HOMER1: variants seen among roughly 807,000 people sequenced by gnomAD.
The protein encoded by HOMER1 is homer scaffold protein 1.
A neutral mutation model predicts 48.9 loss-of-function variants in HOMER1; 3 were observed. That is an observed-to-expected ratio of 0.06 (90% CI 0.03 to 0.16). The LOEUF (loss-of-function observed/expected upper bound fraction) is 0.16, where lower values mean the gene tolerates loss of function less well. Ranked by LOEUF, HOMER1 falls within the 10% of genes least tolerant of loss-of-function variation. The pLI, the probability that HOMER1 is intolerant of heterozygous loss-of-function variation, is 1.00. For missense variants in HOMER1, 247 were observed against 411.4 expected (o/e 0.60, Z 3.46); for synonymous variants, 134 against 146.4 (o/e 0.92, Z 0.61).
At position 79,510,192 on chromosome 5, in the gene HOMER1, CA is replaced by C. The variant is rs778603970; in HGVS notation, c.5+2577del. 7.7e-3 allele frequency among the ~76,000 whole-genome samples: 1,078 copies of C among 139,306 alleles called. 9 individuals carry two copies. Among genetic ancestry groups the C allele is most frequent in the African/African-American group, 0.021 (807 of 38,182 alleles). The allele number at this position is 139,306 out of a possible 152,430, so 91.4% of individuals were successfully genotyped here. A position where few individuals can be genotyped will look rare whatever the true frequency, so the allele number is the denominator to read the frequency against. On this transcript the variant is annotated intron_variant, in intron 1 of 8. Coordinates refer to ENST00000334082, the MANE Select transcript of HOMER1 (RefSeq NM_004272.5). ...GTCATAGCCCCAAATACAGGCTTTC[CA>C]AAAAAAAAAAAATAGCACCACAAAA...
intron 5 of HOMER1, among the ~76,000 whole-genome samples, chr5:79,409,904 T>C (rs1207493480): frequency 6.6e-6 from 1 of 152,152 alleles, no homozygotes; most frequent in Non-Finnish European, 1.5e-5. Context: ...AGTGGAACCC[T>C]AGTACGCTGT....
intron 4 of HOMER1, among the ~76,000 whole-genome samples, chr5:79,440,688 A>G (rs1235078539): frequency 6.6e-6 from 1 of 152,206 alleles, no homozygotes; most frequent in Non-Finnish European, 1.5e-5. Context: ...GACCATATTA[A>G]TTAGTCAGAA....
chr5:79,383,455 A>G (rs1749030842), intron 8 of HOMER1, among the ~76,000 whole-genome samples: 1 of 149,666 alleles, frequency 6.7e-6, no homozygotes, highest in African/African-American at 2.5e-5. Flanking sequence ...GTGCGATCTC[A>G]GCTCACTGCA....
In HOMER1 at chr5:79,400,777, C is replaced by T. The variant is rs145166976; in HGVS notation, c.684+1122G>A. 7.4e-3 allele frequency among the ~76,000 whole-genome samples: 1,055 copies of T among 142,728 alleles called. 9 individuals are homozygous for T. Among genetic ancestry groups the T allele is most frequent in the African/African-American group, 0.024 (942 of 38,650 alleles). 93.6% of individuals were successfully genotyped at this position (142,728 alleles called of 152,430 possible). A position where few individuals can be genotyped will look rare whatever the true frequency, so the allele number is the denominator to read the frequency against. The stretch of plus-strand genomic sequence containing the variant: ...TTTGTTTTTTAGAGACAGAGTCTTG[C>T]TCTGTCACCCAAGCTAGAGTGCAGT... On this transcript the variant is annotated intron_variant, in intron 6 of 8. Coordinates refer to ENST00000334082, the MANE Select transcript of HOMER1 (RefSeq NM_004272.5).
At position 79,401,901 on chromosome 5, in the gene HOMER1, G is replaced by A; in HGVS notation, c.682C>T (p.Arg228Trp). The A allele has an allele frequency of 6.2e-7, 1 of 1,613,576 alleles. No individual in the cohort carries two copies. The highest frequency in any genetic ancestry group is 8.5e-7 in the Non-Finnish European group (1 of 1,179,726). Reference sequence around the variant, plus strand: ...ATAGACATCAGCCCTGAAATTACCCGCTTGTGCAGACGTTCTGCTTCCTCT... The same window carrying A: ...ATAGACATCAGCCCTGAAATTACCCACTTGTGCAGACGTTCTGCTTCCTCT... ...YQEEAERLHK[R>W]VTELECVSSQ... The change falls in exon 6 of 9, where the codon CGG becomes TGG. Residue 228 changes from arginine to tryptophan, a missense_variant and splice_region_variant. Coordinates refer to ENST00000334082, the MANE Select transcript of HOMER1 (RefSeq NM_004272.5).
rs1194253828 is a variant in HOMER1 at position 79,374,734 on chromosome 5, A to AAT, written c.*1273_*1274dup. 2 of 152,118 alleles carry AAT rather than the reference A, an allele frequency of 1.3e-5. No homozygotes were observed. The highest frequency in any genetic ancestry group is 1.3e-4 in the Admixed American group (2 of 15,276). 9.4% of individuals were successfully genotyped at this position (152,118 alleles called of 1,614,324 possible). A position where few individuals can be genotyped will look rare whatever the true frequency, so the allele number is the denominator to read the frequency against. ...ACTTTTAAAATAGCTTCGTAAAAGA[A>AAT]ATATATCATATAAAGAAATGCATGT... On this transcript the variant is annotated 3_prime_UTR_variant, in exon 9 of 9. Transcript: ENST00000334082.
chr5:79,443,278 TACTC>T (rs1309612755), intron 4 of HOMER1, among the ~76,000 whole-genome samples: 30 of 152,280 alleles, frequency 2.0e-4, no homozygotes, highest in Non-Finnish European at 7.4e-5. Flanking sequence ...ATTAAAATAA[TACTC>T]ACAACTGAAT....
intron 1 of HOMER1, among the ~76,000 whole-genome samples, chr5:79,485,855 T>C (rs1174068023): frequency 6.6e-6 from 1 of 152,062 alleles, no homozygotes; most frequent in African/African-American, 2.4e-5. Context: ...GTCCCTCTTT[T>C]AGAACACCTT....
chr5:79,465,584 C>CTTCT (rs1751438018), intron 1 of HOMER1, among the ~76,000 whole-genome samples: 1 of 77,906 alleles, frequency 1.3e-5, no homozygotes, highest in Non-Finnish European at 2.2e-5. Context: ...TACATTTCTT[C>CTTCT]TTTTTTTTTT....
At chr5:79,463,849 C>A (rs9293782) in intron 1 of HOMER1, among the ~76,000 whole-genome samples, 40,374 of 152,092 alleles carry the variant, frequency 0.27, 5,483 homozygotes, top group South Asian at 0.39. Flanking sequence ...AAATGTGGAA[C>A]TGGCAAAAAT....
intron 1 of HOMER1, among the ~76,000 whole-genome samples, chr5:79,478,042 T>G (rs961374494): frequency 6.6e-6 from 1 of 152,132 alleles, no homozygotes; most frequent in Non-Finnish European, 1.5e-5. Flanking sequence ...GTATTCATAA[T>G]TAGTCTTGGG....
chr5:79,511,359 T>A (rs925660991), intron 1 of HOMER1, among the ~76,000 whole-genome samples: 11 of 152,198 alleles, frequency 7.2e-5, no homozygotes, highest in Admixed American at 7.2e-4. Context: ...AAGGTCTCCA[T>A]CAGAAAGATC....
intron 8 of HOMER1, among the ~76,000 whole-genome samples, chr5:79,394,605 T>A (rs1200415914): frequency 6.6e-6 from 1 of 152,118 alleles, no homozygotes; most frequent in Non-Finnish European, 1.5e-5. Flanking sequence ...TGAGAAAGGG[T>A]CTCATTCTGT....
At chr5:79,481,054 T>C (rs1050126912) in intron 1 of HOMER1, among the ~76,000 whole-genome samples, 4 of 152,204 alleles carry the variant, frequency 2.6e-5, no homozygotes, top group African/African-American at 7.2e-5. Flanking sequence ...ATGATACAGA[T>C]CTATCTAAAA....
intron 1 of HOMER1, among the ~76,000 whole-genome samples, chr5:79,512,081 G>C (rs115279967): frequency 1.7e-4 from 26 of 152,294 alleles, no homozygotes; most frequent in African/African-American, 6.3e-4. Context: ...GGGTCCGAAG[G>C]AAGGTGTAGA....
chr5:79,456,832 G>C, intron 2 of HOMER1, 30 bp downstream of exon 2: 1 of 1,596,542 alleles, frequency 6.3e-7, no homozygotes, highest in Non-Finnish European at 8.6e-7. Flanking sequence ...AGCAAAACCA[G>C]CCAAATCATT....
At chr5:79,424,530 A>G (rs1488518302) in intron 5 of HOMER1, among the ~76,000 whole-genome samples, 1 of 152,032 alleles carries the variant, frequency 6.6e-6, no homozygotes, top group Non-Finnish European at 1.5e-5. Flanking sequence ...TAAAATAAAC[A>G]AAAACTTATG....
intron 5 of HOMER1, among the ~76,000 whole-genome samples, chr5:79,420,268 A>C (rs34568430): frequency 0.2 from 31,122 of 152,106 alleles, 4,561 homozygotes; most frequent in East Asian, 0.43. Context: ...TCTCTCATTT[A>C]TTCCATCCCA....
intron 1 of HOMER1, among the ~76,000 whole-genome samples, chr5:79,477,966 C>T (rs1198655309): frequency 1.3e-5 from 2 of 151,862 alleles, no homozygotes; most frequent in African/African-American, 4.8e-5. Flanking sequence ...CTGAATAACA[C>T]AATGCTAAAA....
Sources: allele counts gnomAD v4.1 joint callset (sites outside exome capture counted in the v4.1 genomes callset), GRCh38; gene constraint gnomAD v4.1.1; transcripts MANE v1.5; gene names NCBI Gene and HGNC (gene_info 2026-07-23, HGNC 2026-07-21).